EEFSEC: variants seen among roughly 807,000 people sequenced by gnomAD.
The protein encoded by EEFSEC is selenocysteine-specific elongation factor.
Under a neutral mutation model 42.1 loss-of-function variants are expected in EEFSEC, and 43 were observed. The observed-to-expected ratio is 1.02, with a 90% confidence interval of 0.80 to 1.32. The LOEUF (loss-of-function observed/expected upper bound fraction) is 1.32. Among genes scored for constraint, EEFSEC ranks in the 40% most tolerant of loss-of-function variants. EEFSEC has a pLI of 0.00. For missense variants in EEFSEC, 745 were observed against 803.6 expected, an observed-to-expected ratio of 0.93 and a Z score of 0.88; for synonymous variants, 354 against 339.1, an observed-to-expected ratio of 1.04 and a Z score of -0.48.
At chr3:128,274,813 C>A (rs543709475) in intron 4 of EEFSEC, among the ~76,000 whole-genome samples, 1 of 152,314 alleles carries the variant, frequency 6.6e-6, no homozygotes, top group Non-Finnish European at 1.5e-5. Context: ...GGGCAAGACA[C>A]GCCCCTCTGT....
intron 1 of EEFSEC, among the ~76,000 whole-genome samples, chr3:128,213,526 G>T (rs2065780398): frequency 6.6e-6 from 1 of 152,120 alleles, no homozygotes; most frequent in Admixed American, 6.5e-5. Context: ...TCCAGAGGAA[G>T]AAGGGGCTCT....
intron 6 of EEFSEC, among the ~76,000 whole-genome samples, chr3:128,392,173 G>A (rs568136741): frequency 6.6e-6 from 1 of 152,312 alleles, no homozygotes; most frequent in South Asian, 2.1e-4. Flanking sequence ...CTCTGAGCCA[G>A]GGCATGCGGG....
At chr3:128,424,076 C>T in the EEFSEC span, among the ~76,000 whole-genome samples, 1 of 152,292 alleles carries the variant, frequency 6.6e-6, no homozygotes, top group Admixed American at 6.5e-5. Flanking sequence ...TGCACGTGCA[C>T]ACACGCACAC....
chr3:128,202,154 C>A (rs937417633), intron 1 of EEFSEC, among the ~76,000 whole-genome samples: 1 of 152,056 alleles, frequency 6.6e-6, no homozygotes, highest in Admixed American at 6.5e-5. Flanking sequence ...TCCAGTATTG[C>A]TTTGAATATT....
chr3:128,277,860 G>T (rs1377315693), intron 4 of EEFSEC, among the ~76,000 whole-genome samples: 1 of 152,214 alleles, frequency 6.6e-6, no homozygotes, highest in Non-Finnish European at 1.5e-5. Flanking sequence ...CAGGTCCGAA[G>T]GAGGAGGAAG....
intron 4 of EEFSEC, among the ~76,000 whole-genome samples, chr3:128,284,451 G>C (rs927219470): frequency 6.6e-6 from 1 of 151,234 alleles, no homozygotes; most frequent in African/African-American, 2.4e-5. Context: ...AGTGCTGGGG[G>C]TTGGGGGTGG....
intron 6 of EEFSEC, among the ~76,000 whole-genome samples, chr3:128,404,414 C>T (rs1484048167): frequency 6.6e-6 from 1 of 152,248 alleles, no homozygotes; most frequent in Non-Finnish European, 1.5e-5. Context: ...CGAGAGCCAT[C>T]GCGGGTGAGA....
intron 4 of EEFSEC, among the ~76,000 whole-genome samples, chr3:128,303,997 T>A (rs1162993118): frequency 1.3e-5 from 2 of 152,136 alleles, no homozygotes; most frequent in African/African-American, 4.8e-5. Flanking sequence ...CTTTTTTTAT[T>A]GTTGTCTTAT....
chr3:128,185,720 C>A (rs2065458748), intron 1 of EEFSEC, among the ~76,000 whole-genome samples: 1 of 152,166 alleles, frequency 6.6e-6, no homozygotes, highest in South Asian at 2.1e-4. Context: ...AGCTACCACG[C>A]CTGGCCAGTG....
At chr3:128,241,743 GA>G (rs1334767912) in intron 1 of EEFSEC, among the ~76,000 whole-genome samples, 1 of 152,206 alleles carries the variant, frequency 6.6e-6, no homozygotes, top group Non-Finnish European at 1.5e-5. Context: ...ATGTAGAAGT[GA>G]AAACCGTGGT....
the EEFSEC span, among the ~76,000 whole-genome samples, chr3:128,424,062 T>C: frequency 6.6e-6 from 1 of 152,018 alleles, no homozygotes; most frequent in African/African-American, 2.4e-5. Context: ...ACACACACTA[T>C]GCATGCACGT....
At chr3:128,192,662 A>G (rs969028122) in intron 1 of EEFSEC, among the ~76,000 whole-genome samples, 2 of 152,108 alleles carry the variant, frequency 1.3e-5, no homozygotes, top group Non-Finnish European at 2.9e-5. Context: ...CCTTTCATTC[A>G]GTTAATTGAT....
At chr3:128,200,806 C>G (rs2107816728) in intron 1 of EEFSEC, among the ~76,000 whole-genome samples, 1 of 152,318 alleles carries the variant, frequency 6.6e-6, no homozygotes, top group South Asian at 2.1e-4. Flanking sequence ...TTTTACACCA[C>G]CCAGATTGTC....
intron 4 of EEFSEC, among the ~76,000 whole-genome samples, chr3:128,292,142 G>A (rs928419088): frequency 3.9e-5 from 6 of 152,004 alleles, no homozygotes; most frequent in African/African-American, 1.4e-4. Flanking sequence ...TTGAATGTCA[G>A]ACCCACTTTA....
intron 6 of EEFSEC, among the ~76,000 whole-genome samples, chr3:128,364,466 C>T (rs1355454078): frequency 6.6e-6 from 1 of 152,222 alleles, no homozygotes; most frequent in East Asian, 1.9e-4. Context: ...GTGATGTTCG[C>T]TAGAACCCTG....
At chr3:128,352,069 T>C in intron 5 of EEFSEC, among the ~76,000 whole-genome samples, 1 of 152,236 alleles carries the variant, frequency 6.6e-6, no homozygotes, top group East Asian at 1.9e-4. Flanking sequence ...TCTCTTTCCT[T>C]TAGCTGGAAG....
chr3:128,367,573 C>T (rs2067604984), intron 6 of EEFSEC: 1 of 939,044 alleles, frequency 1.1e-6, no homozygotes, highest in Non-Finnish European at 1.3e-6. Context: ...AGAGCCACAT[C>T]CTGTTTCCAC....
intron 4 of EEFSEC, among the ~76,000 whole-genome samples, chr3:128,290,972 A>T (rs2066638425): frequency 2.6e-5 from 4 of 151,644 alleles, no homozygotes; most frequent in Non-Finnish European, 5.9e-5. Context: ...CTGGTCTCGA[A>T]CTCCCGACCT....
chr3:128,362,161 G>A (rs751971908), intron 6 of EEFSEC: 1 of 497,712 alleles, frequency 2.0e-6, no homozygotes, highest in Non-Finnish European at 4.2e-6. Context: ...ATCTTGGCAA[G>A]CCGTCTGTCC....
Sources: gnomAD v4.1 joint callset for allele counts (sites outside exome capture counted in the v4.1 genomes callset) on GRCh38, gnomAD v4.1.1 for gene constraint, MANE v1.5 for transcripts, NCBI Gene and HGNC (gene_info 2026-07-23, HGNC 2026-07-21) for gene names.